The following OPHN1 variants were observed in gnomAD, a reference collection of about 807,000 sequenced individuals.
OPHN1 encodes the protein oligophrenin-1.
OPHN1 carries 11 observed loss-of-function variants against 60.7 expected under a neutral mutation model. The ratio of observed to expected loss-of-function variants is 0.18; its 90% CI spans 0.11 to 0.30. The LOEUF is 0.30. Ranked by LOEUF, OPHN1 falls within the 10% of genes least tolerant of loss-of-function variation. The pLI, the probability that OPHN1 is intolerant of heterozygous loss-of-function variation, is 1.00. For missense variants in OPHN1, 449 were observed against 611.0 expected (o/e 0.73, Z 2.80); for synonymous variants, 226 against 222.6 (o/e 1.02, Z -0.14).
Position 68,367,745 on chromosome X carries a change from C to G in OPHN1, c.154+65122G>C, listed in dbSNP as rs377309421. Among the ~76,000 whole-genome samples, 5 of 111,604 alleles carry G rather than the reference C, an allele frequency of 4.5e-5. No homozygotes were observed. The East Asian group carries it at 8.5e-4, about 19-fold the overall frequency. On this transcript the variant is annotated intron_variant, in intron 2 of 24. Coordinates refer to ENST00000355520, the MANE Select transcript of OPHN1 (RefSeq NM_002547.3). ...ATTGAATCATGGGGGCAGTTTCCCC[C>G]CTGCTGTTCTTGGGCTGGTGAGTGA...
Position 68,064,065 on chromosome X carries a change from C to T in OPHN1, c.1947G>A (p.Gly649=), listed in dbSNP as rs2076904071. The T allele has an allele frequency of 1.7e-6, 2 of 1,207,875 alleles. No individual in the cohort carries two copies. Among genetic ancestry groups the T allele is most frequent in the Non-Finnish European group, 2.2e-6 (2 of 894,598 alleles). Residue 649 remains glycine, a synonymous_variant, in exon 21 of 25, where the codon GGG becomes GGA. Transcript: ENST00000355520. ...AAATAGGCCTGCTTGGGGACTTCCTCCCAGGATCAGTTTCCCCACTCCTCT... is the reference window on the plus strand; with the variant it reads ...AAATAGGCCTGCTTGGGGACTTCCTTCCAGGATCAGTTTCCCCACTCCTCT... ...PIQRSGETDP[G]RKSPSRPILD... is the part of the protein sequence containing the mutation.
At chrX:68,132,760 A>G (rs1408586444) in intron 15 of OPHN1, 1 of 142,383 alleles carries the variant, frequency 7.0e-6, no homozygotes, top group African/African-American at 3.2e-5. Context: ...AAAAAAGAAA[A>G]AAAGAAAAAG....
At chrX:68,350,458 T>TCTCCCTCCCTTCCTTCCTTCCTC (rs2078402705) in intron 2 of OPHN1, among the ~76,000 whole-genome samples, 1 of 67,132 alleles carries the variant, frequency 1.5e-5, no homozygotes, top group African/African-American at 7.7e-5. Flanking sequence ...CTCCCTCCCT[T>TCTCCCTCCCTTCCTTCCTTCCTC]CCTTCCTTCC....
intron 2 of OPHN1, among the ~76,000 whole-genome samples, chrX:68,394,119 TCTCCTGAC>T (rs2078671229): frequency 9.1e-6 from 1 of 109,292 alleles, no homozygotes; most frequent in Non-Finnish European, 1.9e-5. Context: ...ATGGTCTCGA[TCTCCTGAC>T]CTCGTGATCC....
intron 21 of OPHN1, among the ~76,000 whole-genome samples, chrX:68,057,905 G>A (rs1306278141): frequency 9.0e-6 from 1 of 111,352 alleles, no homozygotes; most frequent in Non-Finnish European, 1.9e-5. Flanking sequence ...TATAACATGG[G>A]GATTGGACTG....
rs752680142 is a variant in OPHN1, at chrX:68,059,507, G to A, written c.2158+4347C>T. Among the ~76,000 whole-genome samples, 30 of 111,510 alleles carry A rather than the reference G, an allele frequency of 2.7e-4. No homozygotes were observed. The South Asian group carries it at 8.3e-3, about 31-fold the overall frequency. ...ATTTATCCTTATAAAACAATTTGGC[G>A]TTAGGCTCCAAGAAAAGTAGAGAAT... On this transcript the variant is annotated intron_variant, in intron 21 of 24. Transcript: ENST00000355520.
intron 7 of OPHN1, 141 bp from the exon 8 acceptor site, chrX:68,212,353 G>A (rs956886856): frequency 3.2e-5 from 15 of 465,436 alleles, no homozygotes; most frequent in Non-Finnish European, 4.6e-5. Context: ...TTGGGAGGCC[G>A]AGGCGGGCAG....
intron 2 of OPHN1, among the ~76,000 whole-genome samples, chrX:68,410,069 G>C (rs1474017685): frequency 9.0e-6 from 1 of 111,617 alleles, no homozygotes; most frequent in Non-Finnish European, 1.9e-5. Flanking sequence ...TTATGAGTCA[G>C]TTCATGCAAA....
intron 15 of OPHN1, among the ~76,000 whole-genome samples, chrX:68,163,804 T>G (rs2077346269): frequency 9.0e-6 from 1 of 111,013 alleles, no homozygotes; most frequent in Non-Finnish European, 1.9e-5. Context: ...TGTATCTCAT[T>G]GTGGTTTTGG....
chrX:68,053,854 C>G, intron 21 of OPHN1, 44 bp from the exon 22 acceptor site: 1 of 1,177,390 alleles, frequency 8.5e-7, no homozygotes. Context: ...GTTAGCCAAA[C>G]AGAACACTAC....
At chrX:68,292,664 ACAGGCATGAGG>A (rs2147619277) in intron 3 of OPHN1, among the ~76,000 whole-genome samples, 1 of 111,660 alleles carries the variant, frequency 9.0e-6, no homozygotes, top group Non-Finnish European at 1.9e-5. Context: ...TGCTGAGATT[ACAGGCATGAGG>A]CACCGTACCC....
At chrX:68,191,272 C>G (rs964619590) in intron 15 of OPHN1, among the ~76,000 whole-genome samples, 2 of 111,339 alleles carry the variant, frequency 1.8e-5, no homozygotes, top group Non-Finnish European at 3.8e-5. Flanking sequence ...ACTCCCTCAG[C>G]CTTTAGGGCT....
At chrX:68,365,820 T>C (rs1356377556) in intron 2 of OPHN1, among the ~76,000 whole-genome samples, 2 of 104,321 alleles carry the variant, frequency 1.9e-5, no homozygotes, top group East Asian at 6.0e-4. Flanking sequence ...ATTATTCCCT[T>C]TTTTTTTTTT....
chrX:68,103,138 G>A (rs899575565), intron 18 of OPHN1, among the ~76,000 whole-genome samples: 44 of 111,746 alleles, frequency 3.9e-4, no homozygotes, highest in African/African-American at 1.4e-3. Flanking sequence ...ATAAAATACT[G>A]GCAAACCGAA....
chrX:68,269,702 C>G (rs1196406250), intron 5 of OPHN1, among the ~76,000 whole-genome samples: 7 of 111,627 alleles, frequency 6.3e-5, no homozygotes, highest in Non-Finnish European at 1.3e-4. Flanking sequence ...TCTAAAACAC[C>G]AAAAGCAATG....
intron 13 of OPHN1, among the ~76,000 whole-genome samples, 163 bp downstream of exon 13, chrX:68,194,302 T>C (rs1436231024): frequency 8.9e-6 from 1 of 112,325 alleles, no homozygotes; most frequent in Non-Finnish European, 1.9e-5. Context: ...CTTAGTTCAA[T>C]TACCAGACAC....
intron 2 of OPHN1, among the ~76,000 whole-genome samples, chrX:68,356,280 A>G (rs2078440332): frequency 9.0e-6 from 1 of 111,332 alleles, no homozygotes; most frequent in Non-Finnish European, 1.9e-5. Flanking sequence ...TTTACCCCCA[A>G]GCAAGAGGGG....
chrX:68,221,979 G>A (rs2077661880), intron 6 of OPHN1, among the ~76,000 whole-genome samples: 1 of 107,883 alleles, frequency 9.3e-6, no homozygotes, highest in African/African-American at 3.4e-5. Flanking sequence ...ACTACCATCA[G>A]AGCAAACAGG....
At chrX:68,229,752 A>T (rs1199116577) in intron 6 of OPHN1, among the ~76,000 whole-genome samples, 2 of 112,586 alleles carry the variant, frequency 1.8e-5, no homozygotes, top group African/African-American at 3.2e-5. Context: ...CACCTTATAC[A>T]AAAATTAATT....
Sources: allele counts gnomAD v4.1 joint callset (sites outside exome capture counted in the v4.1 genomes callset), GRCh38; gene constraint gnomAD v4.1.1; transcripts MANE v1.5; gene names NCBI Gene and HGNC (gene_info 2026-07-23, HGNC 2026-07-21).